PDE4D: variants seen among roughly 807,000 people sequenced by gnomAD.
PDE4D encodes the protein 3',5'-cyclic-AMP phosphodiesterase 4D.
PDE4D carries 24 observed loss-of-function variants against 87.4 expected under a neutral mutation model. The ratio of observed to expected loss-of-function variants is 0.27; its 90% CI spans 0.20 to 0.39. The LOEUF (loss-of-function observed/expected upper bound fraction) is 0.39, where lower values mean the gene tolerates loss of function less well. Among genes scored for constraint, PDE4D ranks in the 10% least tolerant of loss-of-function variants. The pLI is 1.00. For missense variants in PDE4D, 714 were observed against 1,041.0 expected, an observed-to-expected ratio of 0.69 and a Z score of 4.32; for synonymous variants, 384 against 383.2, an observed-to-expected ratio of 1.00 and a Z score of -0.02.
chr5:60,277,469 A>C (rs79977805), intron 1 of PDE4D, among the ~76,000 whole-genome samples: 5,056 of 152,262 alleles, frequency 0.033, 127 homozygotes, highest in Middle Eastern at 0.085. Flanking sequence ...TGATCTATCC[A>C]AACAAGAAAT....
chr5:59,128,032 G>GTGTGTGTC (rs1477838764), intron 5 of PDE4D, among the ~76,000 whole-genome samples: 1 of 139,192 alleles, frequency 7.2e-6, no homozygotes, highest in Non-Finnish European at 1.6e-5. Context: ...GTGTGTGTGT[G>GTGTGTGTC]TGTGTGTGTG....
intron 2 of PDE4D, among the ~76,000 whole-genome samples, chr5:60,099,952 T>G (rs1010603330): frequency 1.3e-5 from 2 of 151,954 alleles, no homozygotes; most frequent in African/African-American, 2.4e-5. Flanking sequence ...ACATTGTTTT[T>G]CACAGCAAAA....
chr5:60,351,781 T>TTTTATTTATTTA (rs144196649), intron 1 of PDE4D, among the ~76,000 whole-genome samples: 8,787 of 147,158 alleles, frequency 0.06, 350 homozygotes, highest in South Asian at 0.14. Context: ...CACCTAATTA[T>TTTTATTTATTTA]TTTATTTATT....
At chr5:58,976,144 A>AC (rs1478029407) in intron 13 of PDE4D, among the ~76,000 whole-genome samples, 2 of 152,282 alleles carry the variant, frequency 1.3e-5, no homozygotes, top group East Asian at 3.9e-4. Context: ...TAGTTTTTTT[A>AC]ATTAATGTAG....
In PDE4D at chr5:58,972,499, T is replaced by C. The variant is rs2153295867; in HGVS notation, c.*2165A>G. The C allele has an allele frequency of 6.6e-6, 1 of 152,392 alleles. No individual in the cohort carries two copies. The highest frequency in any genetic ancestry group is 1.5e-5 in the Non-Finnish European group (1 of 67,978). 9.4% of individuals were successfully genotyped at this position (152,392 alleles called of 1,614,324 possible). Reference sequence around the variant, plus strand: ...TGGGGACTCTCTTCAGCATGAGTCATTTGCCTGGCTGATGACTTACTTTCC... The same window carrying C: ...TGGGGACTCTCTTCAGCATGAGTCACTTGCCTGGCTGATGACTTACTTTCC... On this transcript the variant is annotated 3_prime_UTR_variant, in exon 15 of 15. Coordinates refer to ENST00000340635, the MANE Select transcript of PDE4D (RefSeq NM_001104631.2).
chr5:60,498,386 A>T (rs1176684585), intron 1 of PDE4D, among the ~76,000 whole-genome samples: 1 of 152,206 alleles, frequency 6.6e-6, no homozygotes, highest in Non-Finnish European at 1.5e-5. Flanking sequence ...CCAAAGGTGA[A>T]TCCGAGCACA....
At chr5:59,784,213 T>A (rs975882028) in intron 1 of PDE4D, among the ~76,000 whole-genome samples, 1 of 150,864 alleles carries the variant, frequency 6.6e-6, no homozygotes, top group African/African-American at 2.4e-5. Flanking sequence ...AAGAGGTACA[T>A]GTCTCTGATT....
intron 6 of PDE4D, among the ~76,000 whole-genome samples, chr5:58,996,783 A>G (rs1749334022): frequency 6.6e-6 from 1 of 152,222 alleles, no homozygotes; most frequent in African/African-American, 2.4e-5. Context: ...TTTTCCTGGC[A>G]GTTTGCTTAA....
intron 1 of PDE4D, among the ~76,000 whole-genome samples, chr5:59,233,178 T>G (rs1755624665): frequency 6.6e-6 from 1 of 152,132 alleles, no homozygotes; most frequent in South Asian, 2.1e-4. Flanking sequence ...AAATTGAAAT[T>G]ATTCCACTAC....
chr5:60,149,415 G>GAACTCTTATGACCTAATTACCTCTT (rs1781295695), intron 2 of PDE4D, among the ~76,000 whole-genome samples: 1 of 152,112 alleles, frequency 6.6e-6, no homozygotes, highest in Non-Finnish European at 1.5e-5. Context: ...CATGATGGAA[G>GAACTCTTATGACCTAATTACCTCTT]AACTCTTATG....
At chr5:59,893,900 G>C (rs1211854777), upstream of PDE4D, 9 of 1,028,606 alleles carry the variant, frequency 8.7e-6, no homozygotes, top group Admixed American at 4.5e-5. Flanking sequence ...TAGGGTGCGC[G>C]GTGCCCGGTT....
intron 1 of PDE4D, among the ~76,000 whole-genome samples, chr5:59,430,905 A>C (rs563997434): frequency 6.6e-6 from 1 of 152,204 alleles, no homozygotes. Flanking sequence ...AATATTGTTC[A>C]CTAAACTGTT....
At chr5:59,907,964 C>T (rs1265001738) in intron 3 of PDE4D, among the ~76,000 whole-genome samples, 1 of 151,988 alleles carries the variant, frequency 6.6e-6, no homozygotes, top group African/African-American at 2.4e-5. Context: ...CTCCCTCTTC[C>T]CTTTCAGAAG....
At chr5:59,793,764 C>CA (rs1170075148) in intron 1 of PDE4D, among the ~76,000 whole-genome samples, 1 of 152,196 alleles carries the variant, frequency 6.6e-6, no homozygotes, top group Non-Finnish European at 1.5e-5. Flanking sequence ...CCTGCCTATT[C>CA]AACATTTATC....
intron 1 of PDE4D, among the ~76,000 whole-genome samples, chr5:60,458,023 G>A (rs775468038): frequency 2.6e-5 from 4 of 152,154 alleles, no homozygotes; most frequent in Non-Finnish European, 5.9e-5. Context: ...CCATCCAGTT[G>A]CTACTGGACA....
At chr5:59,454,324 A>T in intron 1 of PDE4D, among the ~76,000 whole-genome samples, 1 of 152,170 alleles carries the variant, frequency 6.6e-6, no homozygotes, top group East Asian at 1.9e-4. Context: ...GTAGGAGGTG[A>T]TTGAATTATG....
At position 59,169,813 on chromosome 5, in the gene PDE4D, G is replaced by A. The variant is rs530302876; in HGVS notation, c.808+10782C>T. On this transcript the variant is annotated intron_variant, in intron 5 of 14. Coordinates refer to ENST00000340635, the MANE Select transcript of PDE4D (RefSeq NM_001104631.2). ...TGGCCAATCAAGCCCATTCACCTGGGAGTATTTGTTAATAATTTAGATCCT... is the reference window on the plus strand; with the variant it reads ...TGGCCAATCAAGCCCATTCACCTGGAAGTATTTGTTAATAATTTAGATCCT... 2.6e-5 allele frequency among the ~76,000 whole-genome samples: 4 copies of A among 152,222 alleles called. No homozygotes were observed. In the East Asian group the frequency reaches 7.7e-4, roughly 29 times the overall value.
chr5:60,097,820 G>A (rs1162877330), intron 2 of PDE4D, among the ~76,000 whole-genome samples: 2 of 151,824 alleles, frequency 1.3e-5, no homozygotes, highest in Non-Finnish European at 2.9e-5. Context: ...AATCAGAAAG[G>A]ATCTCTCCTT....
intron 1 of PDE4D, among the ~76,000 whole-genome samples, chr5:59,776,707 T>C (rs1202451887): frequency 2.6e-5 from 4 of 152,152 alleles, no homozygotes; most frequent in Non-Finnish European, 5.9e-5. Context: ...ACTACACAGA[T>C]AGGTATATTC....
Sources: allele counts gnomAD v4.1 joint callset (sites outside exome capture counted in the v4.1 genomes callset), GRCh38; gene constraint gnomAD v4.1.1; transcripts MANE v1.5; gene names NCBI Gene and HGNC (gene_info 2026-07-23, HGNC 2026-07-21).